The following MIPOL1 variants were observed in gnomAD, a reference collection of about 807,000 sequenced individuals.
MIPOL1 encodes mirror-image polydactyly 1.
MIPOL1 carries 57 observed loss-of-function variants against 60.9 expected under a neutral mutation model. That is an observed-to-expected ratio of 0.94 (90% CI 0.76 to 1.17). The LOEUF is 1.17. MIPOL1 is among the 50% of genes most tolerant of loss of function. MIPOL1 has a pLI of 0.00. For missense variants in MIPOL1, 551 were observed against 511.6 expected (o/e 1.08, Z -0.74); for synonymous variants, 179 against 168.8 (o/e 1.06, Z -0.47).
intron 11 of MIPOL1, among the ~76,000 whole-genome samples, chr14:37,436,279 A>G (rs2094162051): frequency 6.6e-6 from 1 of 152,142 alleles, no homozygotes; most frequent in Non-Finnish European, 1.5e-5. Flanking sequence ...AAATAATTCA[A>G]TCCTGTGAAC....
chr14:37,502,643 A>G (rs1219473717), intron 12 of MIPOL1: 1 of 152,246 alleles, frequency 6.6e-6, no homozygotes, highest in East Asian at 1.9e-4. Flanking sequence ...CCAAAGGTAG[A>G]TAAAACCATG....
At chr14:37,221,310 G>A (rs568045681) in intron 1 of MIPOL1, among the ~76,000 whole-genome samples, 1 of 152,288 alleles carries the variant, frequency 6.6e-6, no homozygotes, top group East Asian at 1.9e-4. Context: ...GGAAAGATGA[G>A]AACAAGAGCA....
intron 1 of MIPOL1, among the ~76,000 whole-genome samples, chr14:37,238,233 A>G (rs1373754599): frequency 6.6e-6 from 1 of 152,200 alleles, no homozygotes; most frequent in Admixed American, 6.5e-5. Flanking sequence ...AACGATTGCA[A>G]ACATACACAA....
intron 11 of MIPOL1, among the ~76,000 whole-genome samples, chr14:37,467,778 G>A (rs2094619284): frequency 6.6e-6 from 1 of 152,030 alleles, no homozygotes; most frequent in Admixed American, 6.6e-5. Flanking sequence ...TTTTTGGCCG[G>A]GTGCGGTGGC....
intron 7 of MIPOL1, among the ~76,000 whole-genome samples, chr14:37,305,001 TA>T (rs1041608312): frequency 1.3e-5 from 2 of 151,832 alleles, no homozygotes; most frequent in Non-Finnish European, 3.0e-5. Context: ...TTTAAGTCTT[TA>T]TTTAAATCAG....
chr14:37,361,295 T>C (rs935262019), intron 9 of MIPOL1, among the ~76,000 whole-genome samples: 1 of 152,210 alleles, frequency 6.6e-6, no homozygotes, highest in Non-Finnish European at 1.5e-5. Flanking sequence ...ATGTATTCTG[T>C]TGATTTGGGG....
intron 10 of MIPOL1, among the ~76,000 whole-genome samples, chr14:37,375,812 C>A (rs887735345): frequency 6.6e-6 from 1 of 151,882 alleles, no homozygotes; most frequent in Non-Finnish European, 1.5e-5. Flanking sequence ...ATCTCAAACT[C>A]TTGGGCTCAA....
chr14:37,446,717 A>C (rs1401032611), intron 11 of MIPOL1, among the ~76,000 whole-genome samples: 1 of 152,232 alleles, frequency 6.6e-6, no homozygotes, highest in Non-Finnish European at 1.5e-5. Context: ...AATGTGGCAC[A>C]TATGCACCAT....
At chr14:37,257,969 T>C (rs1281170829) in intron 3 of MIPOL1, among the ~76,000 whole-genome samples, 1 of 152,128 alleles carries the variant, frequency 6.6e-6, no homozygotes, top group Admixed American at 6.6e-5. Flanking sequence ...CCTGACCTTT[T>C]GAAAAATTGG....
intron 12 of MIPOL1, chr14:37,545,566 G>A: frequency 3.9e-6 from 2 of 509,710 alleles, no homozygotes; most frequent in South Asian, 5.4e-5. Context: ...ACTTAGACAA[G>A]ATTTGCCTTT....
intron 10 of MIPOL1, among the ~76,000 whole-genome samples, chr14:37,416,609 C>T (rs962762241): frequency 6.6e-6 from 1 of 152,032 alleles, no homozygotes; most frequent in East Asian, 1.9e-4. Flanking sequence ...ATATGTGGTC[C>T]GTTGTTGACC....
At chr14:37,432,718 G>C (rs1405310494) in intron 11 of MIPOL1, among the ~76,000 whole-genome samples, 1 of 151,624 alleles carries the variant, frequency 6.6e-6, no homozygotes, top group Non-Finnish European at 1.5e-5. Flanking sequence ...TTAGGAAATA[G>C]TATCATTATC....
chr14:37,214,229 A>C (rs1967193653), intron 1 of MIPOL1, among the ~76,000 whole-genome samples: 1 of 152,244 alleles, frequency 6.6e-6, no homozygotes, highest in African/African-American at 2.4e-5. Flanking sequence ...CAGTAGAAAG[A>C]ATAAATGATA....
intron 12 of MIPOL1, among the ~76,000 whole-genome samples, chr14:37,536,218 G>A (rs1345774190): frequency 6.6e-6 from 1 of 152,140 alleles, no homozygotes; most frequent in Non-Finnish European, 1.5e-5. Context: ...TATCTCCAAA[G>A]TTTTTCTTGC....
At chr14:37,374,191 G>C (rs978743649) in intron 10 of MIPOL1, among the ~76,000 whole-genome samples, 27 of 152,134 alleles carry the variant, frequency 1.8e-4, no homozygotes, top group African/African-American at 6.3e-4. Flanking sequence ...CTTTTGAGAA[G>C]TGTCTGTTCA....
intron 12 of MIPOL1, among the ~76,000 whole-genome samples, chr14:37,511,289 T>C (rs191704294): frequency 8.5e-5 from 13 of 152,326 alleles, no homozygotes; most frequent in Admixed American, 4.6e-4. Flanking sequence ...TCAGTGGAAA[T>C]TCATTCTCTT....
At chr14:37,447,804 GT>G (rs931679320) in intron 11 of MIPOL1, among the ~76,000 whole-genome samples, 2 of 151,688 alleles carry the variant, frequency 1.3e-5, no homozygotes, top group East Asian at 3.9e-4. Context: ...CCAGTGAGCT[GT>G]TTTTTTTAAT....
intron 10 of MIPOL1, among the ~76,000 whole-genome samples, chr14:37,379,413 T>G (rs2092866689): frequency 6.6e-6 from 1 of 152,034 alleles, no homozygotes; most frequent in African/African-American, 2.4e-5. Flanking sequence ...TAGGCAAAGC[T>G]TTCTTAGATC....
At chr14:37,437,549 TC>T (rs2094181330) in intron 11 of MIPOL1, among the ~76,000 whole-genome samples, 1 of 152,168 alleles carries the variant, frequency 6.6e-6, no homozygotes, top group Non-Finnish European at 1.5e-5. Flanking sequence ...CATTAGGTCT[TC>T]CTTCACCTTT....
Sources: allele counts gnomAD v4.1 joint callset (sites outside exome capture counted in the v4.1 genomes callset), GRCh38; gene constraint gnomAD v4.1.1; transcripts MANE v1.5; gene names NCBI Gene and HGNC (gene_info 2026-07-23, HGNC 2026-07-21).